The following OSBPL11 variants were observed in gnomAD, a reference collection of about 807,000 sequenced individuals.
OSBPL11 encodes the protein oxysterol binding protein like 11.
OSBPL11 carries 33 observed loss-of-function variants against 84.4 expected under a neutral mutation model. The ratio of observed to expected loss-of-function variants is 0.39; its 90% confidence interval spans 0.30 to 0.52. The LOEUF (loss-of-function observed/expected upper bound fraction) is 0.52. Ranked by LOEUF, OSBPL11 falls within the 20% of genes least tolerant of loss-of-function variation. OSBPL11 has a pLI of 0.72. For synonymous variants in OSBPL11, 276 were observed against 310.2 expected, an observed-to-expected ratio of 0.89 and a Z score of 1.16; for missense variants, 736 against 901.1, an observed-to-expected ratio of 0.82 and a Z score of 2.35.
intron 4 of OSBPL11, among the ~76,000 whole-genome samples, chr3:125,578,414 T>C (rs1459224982): frequency 3.9e-5 from 6 of 152,136 alleles, no homozygotes. Context: ...TTTTTTATTT[T>C]TTTTGTGGGA....
At chr3:125,593,166 G>C (rs1158620827) in intron 1 of OSBPL11, among the ~76,000 whole-genome samples, 1 of 152,104 alleles carries the variant, frequency 6.6e-6, no homozygotes, top group Non-Finnish European at 1.5e-5. Flanking sequence ...CCCACCCACA[G>C]CCCCATAGCA....
rs1018864249 is a variant in OSBPL11, at chr3:125,559,004, T to C, written c.1155+1375A>G. Among the ~76,000 whole-genome samples the C allele has an allele frequency of 8.5e-5, 13 of 152,222 alleles. 1 individual carries two copies. On this transcript the variant is annotated intron_variant, in intron 8 of 12. Transcript: ENST00000296220. ...AATCTGCAAACTGTAGTCTTTGGGT[T>C]AAATCTGGCCTCCTGTTTTAGTAAA...
chr3:125,545,426 T>A lies in OSBPL11; in HGVS notation c.1841+1980A>T, dbSNP rs559645020. 7.2e-5 allele frequency among the ~76,000 whole-genome samples: 11 copies of A among 152,246 alleles called. 1 individual carries two copies. Among genetic ancestry groups the A allele is most frequent in the African/African-American group, 2.2e-4 (9 of 41,466 alleles). ...CACAGTACCATTGTCCTTACCCATC[T>A]TTATGGTATTATGACAGACTTTATC... is the stretch of plus-strand genomic sequence containing the variant. On this transcript the variant is annotated intron_variant, in intron 10 of 12. Coordinates refer to ENST00000296220, the MANE Select transcript of OSBPL11 (RefSeq NM_022776.5).
chr3:125,529,619 AG>A lies in OSBPL11; in HGVS notation c.*895del, dbSNP rs978845468. On this transcript the variant is annotated 3_prime_UTR_variant, in exon 13 of 13. Coordinates refer to ENST00000296220, the MANE Select transcript of OSBPL11 (RefSeq NM_022776.5). ...CACATAATACTGGATATTAACCTAA[AG>A]GTGAAAAGAAAGAAGGAAAAAAGTA... 2 of 152,634 alleles carry A rather than the reference AG, an allele frequency of 1.3e-5. No individual in the cohort carries two copies. Among genetic ancestry groups the A allele is most frequent in the African/African-American group, 4.8e-5 (2 of 41,468 alleles). The allele number at this position is 152,634 out of a possible 1,614,324, so 9.5% of individuals were successfully genotyped here. A position where few individuals can be genotyped will look rare whatever the true frequency, so the allele number is the denominator to read the frequency against.
chr3:125,580,223 G>T (rs539954211), intron 2 of OSBPL11, among the ~76,000 whole-genome samples, 183 bp from the exon 3 acceptor site: 2 of 152,036 alleles, frequency 1.3e-5, no homozygotes, highest in South Asian at 4.1e-4. Context: ...ACTAAAAATC[G>T]AATGAGTTAG....
intron 8 of OSBPL11, among the ~76,000 whole-genome samples, chr3:125,557,914 C>T (rs780957630): frequency 2.7e-5 from 4 of 150,554 alleles, no homozygotes; most frequent in Admixed American, 1.3e-4. Flanking sequence ...GTATCTCAGC[C>T]ACATGGTAGC....
At chr3:125,587,493 G>A (rs543530150) in intron 1 of OSBPL11, among the ~76,000 whole-genome samples, 7 of 152,276 alleles carry the variant, frequency 4.6e-5, no homozygotes, top group East Asian at 1.9e-4. Context: ...GAAGTATTAC[G>A]AAATGGCAAG....
chr3:125,594,718 G>A lies in OSBPL11; in HGVS notation c.83C>T (p.Pro28Leu), dbSNP rs1326140247. The A allele has an allele frequency of 2.5e-6, 4 of 1,614,108 alleles. No individual in the cohort carries two copies. In the Admixed American group the frequency reaches 5.0e-5, roughly 20 times the overall value. ...KLEGQATAVT[P>L]NKNSSCGGGI... ...ACCTCCACAGCTGCTGTTCTTGTTC[G>A]GGGTCACCGCTGTGGCCTGGCCCTC... is the stretch of plus-strand genomic sequence containing the variant. Residue 28 changes from proline to leucine, a missense_variant, in exon 1 of 13, where the codon CCG becomes CTG. Physicochemically the swap from Pro to Leu is moderately conservative, Grantham distance 98. Around this residue, in one of 3 missense-constraint regions of OSBPL11, gnomAD observed 114 missense variants for 104.9 expected, o/e 1.09. Coordinates refer to ENST00000296220, the MANE Select transcript of OSBPL11 (RefSeq NM_022776.5).
At chr3:125,579,178 G>C (rs971381095) in intron 3 of OSBPL11, 139 bp from the exon 4 acceptor site, 2 of 509,712 alleles carry the variant, frequency 3.9e-6, no homozygotes, top group Non-Finnish European at 6.5e-6. Context: ...ACTGGAGGGA[G>C]GCAGGAAAGA....
At chr3:125,588,585 G>A (rs1416899117) in intron 1 of OSBPL11, among the ~76,000 whole-genome samples, 1 of 152,200 alleles carries the variant, frequency 6.6e-6, no homozygotes, top group African/African-American at 2.4e-5. Flanking sequence ...TACCAGGCAA[G>A]TCACATGTCA....
chr3:125,560,543 T>C, intron 7 of OSBPL11, 24 bp from the exon 8 acceptor site: 13 of 1,526,368 alleles, frequency 8.5e-6, no homozygotes, highest in Non-Finnish European at 1.2e-5. Context: ...AAAGCAAAAG[T>C]CTAGTATTTT....
chr3:125,530,478 G>A lies in OSBPL11; in HGVS notation c.*37C>T. 1 of 1,578,664 alleles carries A rather than the reference G, an allele frequency of 6.3e-7. No individual in the cohort carries two copies. The highest frequency in any genetic ancestry group is 8.7e-7 in the Non-Finnish European group (1 of 1,147,976). On this transcript the variant is annotated 3_prime_UTR_variant, in exon 13 of 13. Transcript: ENST00000296220. ...TCTGGGAGGATTTAGGGTAAACAGA[G>A]AAGAACCTCATTTGGTCGAGTTTTA...
In OSBPL11 at chr3:125,545,162, A is replaced by G. The variant is rs554949006; in HGVS notation, c.1841+2244T>C. 1.2e-4 allele frequency among the ~76,000 whole-genome samples: 18 copies of G among 152,346 alleles called. No individual in the cohort carries two copies. The South Asian group carries it at 3.7e-3, about 32-fold the overall frequency. On this transcript the variant is annotated intron_variant, in intron 10 of 12. Transcript: ENST00000296220. The stretch of plus-strand genomic sequence containing the variant: ...TGAAGCATAATTACATTTTATGGAG[A>G]GCTACTGAAGAAGACACTGTCTGTT...
chr3:125,531,814 C>A, intron 12 of OSBPL11, 47 bp downstream of exon 12: 4 of 1,542,912 alleles, frequency 2.6e-6, no homozygotes, highest in South Asian at 1.2e-5. Context: ...AGCTAAAGTT[C>A]TCAGCCAAGT....
intron 1 of OSBPL11, among the ~76,000 whole-genome samples, chr3:125,586,818 T>C (rs1014778877): frequency 3.3e-5 from 5 of 152,176 alleles, no homozygotes; most frequent in African/African-American, 1.2e-4. Flanking sequence ...CCCGGCAATA[T>C]ACTTATTTCT....
At chr3:125,592,370 T>C (rs1580068763) in intron 1 of OSBPL11, among the ~76,000 whole-genome samples, 1 of 152,134 alleles carries the variant, frequency 6.6e-6, no homozygotes, top group East Asian at 1.9e-4. Flanking sequence ...AAAGTTACTT[T>C]TTATAATTAG....
rs13059956 is a variant in OSBPL11 at position 125,593,977 on chromosome 3, C to T, written c.164+660G>A. ...AAACTTGTTGCCTCTCCAGGACTCT[C>T]CTCCTGTTCCTTAAGTTGTTCATTC... On this transcript the variant is annotated intron_variant, in intron 1 of 12. Coordinates refer to ENST00000296220, the MANE Select transcript of OSBPL11 (RefSeq NM_022776.5). 8.9e-4 allele frequency among the ~76,000 whole-genome samples: 135 copies of T among 152,358 alleles called. 1 individual carries two copies. The highest frequency in any genetic ancestry group is 1.2e-3 in the Non-Finnish European group (80 of 68,036).
intron 4 of OSBPL11, among the ~76,000 whole-genome samples, chr3:125,576,826 G>A (rs544189573): frequency 4.7e-4 from 72 of 152,246 alleles, no homozygotes; most frequent in Non-Finnish European, 8.7e-4. Flanking sequence ...TGGGATTACA[G>A]GCATGCACCA....
At position 125,594,833 on chromosome 3, in the gene OSBPL11, C is replaced by G. The variant is rs772412242; in HGVS notation, c.-33G>C. ...CCAAAGTCCACTTGCCCTTCTTGAG[C>G]GGGAGAGAACAATTCTGTAGTTCTG... is the stretch of plus-strand genomic sequence containing the variant. On this transcript the variant is annotated 5_prime_UTR_variant, in exon 1 of 13. Coordinates refer to ENST00000296220, the MANE Select transcript of OSBPL11 (RefSeq NM_022776.5). 6.2e-7 allele frequency: 1 copy of G among 1,602,408 alleles called. No homozygotes were observed. The highest frequency in any genetic ancestry group is 8.5e-7 in the Non-Finnish European group (1 of 1,173,514).
Sources: allele counts gnomAD v4.1 joint callset (sites outside exome capture counted in the v4.1 genomes callset), GRCh38; gene constraint gnomAD v4.1.1; regional missense constraint gnomAD v4.1.1; transcripts MANE v1.5; gene names NCBI Gene and HGNC (gene_info 2026-07-23, HGNC 2026-07-21).